KCNQ1: variants seen among roughly 807,000 people sequenced by gnomAD.
KCNQ1 encodes potassium voltage-gated channel subfamily KQT member 1.
A neutral mutation model predicts 72.4 loss-of-function variants in KCNQ1; 49 were observed. That is an observed-to-expected ratio of 0.68 (90% CI 0.54 to 0.86). KCNQ1 has a LOEUF of 0.86. Among genes scored for constraint, KCNQ1 ranks in the 40% least tolerant of loss-of-function variants. The pLI, the probability that KCNQ1 is intolerant of heterozygous loss-of-function variation, is 0.00. For missense variants in KCNQ1, 790 were observed against 945.1 expected (o/e 0.84, Z 2.15); for synonymous variants, 450 against 412.6 (o/e 1.09, Z -1.10).
At chr11:2,843,562 G>A (rs1220932059) in intron 15 of KCNQ1, among the ~76,000 whole-genome samples, 1 of 152,252 alleles carries the variant, frequency 6.6e-6, no homozygotes, top group African/African-American at 2.4e-5. Flanking sequence ...TGGGAGCAGC[G>A]GGTGTGCCCG....
At position 2,813,792 on chromosome 11, in the gene KCNQ1, C is replaced by T. The variant is rs920710037; in HGVS notation, c.1795-33975C>T. Among the ~76,000 whole-genome samples, 2 of 151,936 alleles carry T rather than the reference C, an allele frequency of 1.3e-5. No homozygotes were observed. Among genetic ancestry groups the T allele is most frequent in the Non-Finnish European group, 2.9e-5 (2 of 68,004 alleles). ...AAAGAATGAGGGCGGGCACATAGGCCTGGGGTGTGGGGAGCATTAATGAGT... is the reference window on the plus strand; with the variant it reads ...AAAGAATGAGGGCGGGCACATAGGCTTGGGGTGTGGGGAGCATTAATGAGT... On this transcript the variant is annotated intron_variant, in intron 15 of 15. Coordinates refer to ENST00000155840, the MANE Select transcript of KCNQ1 (RefSeq NM_000218.3). This position sits in a 1 kb window ranked among gnomAD's most constrained non-coding sequence, Gnocchi z 4.4.
At chr11:2,717,424 C>A (rs976871943) in intron 11 of KCNQ1, among the ~76,000 whole-genome samples, 2 of 152,238 alleles carry the variant, frequency 1.3e-5, no homozygotes, top group Non-Finnish European at 2.9e-5. Flanking sequence ...GACAGCAAAG[C>A]CACAGGGAGA....
chr11:2,528,077 C>T, intron 2 of KCNQ1, 59 bp downstream of exon 2: 5 of 1,425,668 alleles, frequency 3.5e-6, no homozygotes, highest in Non-Finnish European at 4.9e-6. Flanking sequence ...CTGGCATCTC[C>T]CTGGCGCTGG....
At chr11:2,743,173 C>T (rs184468659) in intron 11 of KCNQ1, among the ~76,000 whole-genome samples, 1 of 152,228 alleles carries the variant, frequency 6.6e-6, no homozygotes, top group Admixed American at 6.5e-5. Flanking sequence ...AAGGGGCATT[C>T]CCAGAAATCA....
At position 2,645,379 on chromosome 11, in the gene KCNQ1, G is replaced by C; in HGVS notation, c.1394-16582G>C. The C allele has an allele frequency of 2.5e-6, 1 of 398,780 alleles. No individual in the cohort carries two copies. 24.7% of individuals were successfully genotyped at this position (398,780 alleles called of 1,614,324 possible). A position where few individuals can be genotyped will look rare whatever the true frequency, so the allele number is the denominator to read the frequency against. On this transcript the variant is annotated intron_variant, in intron 10 of 15. Coordinates refer to ENST00000155840, the MANE Select transcript of KCNQ1 (RefSeq NM_000218.3). The surrounding 1 kb of genome is among the most constrained non-coding windows in gnomAD (Gnocchi z 5.8). Reference sequence around the variant, plus strand: ...ATGCGCTGGCACTGGGAGAAAAGAGGGTGGGACCAGGCCAGGTGGGCCTGT... The same window carrying C: ...ATGCGCTGGCACTGGGAGAAAAGAGCGTGGGACCAGGCCAGGTGGGCCTGT...
In KCNQ1 at chr11:2,700,389, C is replaced by G. The variant is rs578259989; in HGVS notation, c.1514+38308C>G. Among the ~76,000 whole-genome samples, 1,001 of 152,234 alleles carry G rather than the reference C, an allele frequency of 6.6e-3. 10 individuals carry two copies. The highest frequency in any genetic ancestry group is 0.019 in the African/African-American group (783 of 41,548). On this transcript the variant is annotated intron_variant, in intron 11 of 15. Transcript: ENST00000155840. ...GATGTGTTCACCACCCCGGGGTGACCGCGTGAGGACAGCGGCCGCACCCCG... is the reference window on the plus strand; with the variant it reads ...GATGTGTTCACCACCCCGGGGTGACGGCGTGAGGACAGCGGCCGCACCCCG...
In KCNQ1 at chr11:2,803,707, C is replaced by T. The variant is rs1421195464; in HGVS notation, c.1794+25670C>T. Among the ~76,000 whole-genome samples, 1 of 152,140 alleles carries T rather than the reference C, an allele frequency of 6.6e-6. No individual in the cohort carries two copies. The highest frequency in any genetic ancestry group is 6.5e-5 in the Admixed American group (1 of 15,278). Reference sequence around the variant, plus strand: ...CAGGGCTGTGGCCTGCCCAGACTTGCCAGGGAGCTCCTGTGCCCTTCTTTC... The same window carrying T: ...CAGGGCTGTGGCCTGCCCAGACTTGTCAGGGAGCTCCTGTGCCCTTCTTTC... On this transcript the variant is annotated intron_variant, in intron 15 of 15. Coordinates refer to ENST00000155840, the MANE Select transcript of KCNQ1 (RefSeq NM_000218.3). The surrounding 1 kb of genome is among the most constrained non-coding windows in gnomAD (Gnocchi z 6.4).
rs1013840263 is a variant in KCNQ1, at chr11:2,750,022, G to T, written c.1515-18822G>T. 2.0e-5 allele frequency among the ~76,000 whole-genome samples: 3 copies of T among 152,070 alleles called. No homozygotes were observed. The highest frequency in any genetic ancestry group is 7.2e-5 in the African/African-American group (3 of 41,382). ...GGCGCCCTGAGAATTGTGTGTAAAT[G>T]AGTGAAAATGGGGTGAGAGGGAGGG... On this transcript the variant is annotated intron_variant, in intron 11 of 15. Transcript: ENST00000155840. The surrounding 1 kb of genome is among the most constrained non-coding windows in gnomAD (Gnocchi z 6.3).
intron 12 of KCNQ1, among the ~76,000 whole-genome samples, chr11:2,770,414 G>A (rs539936374): frequency 3.9e-5 from 6 of 152,358 alleles, no homozygotes; most frequent in East Asian, 1.9e-4. Context: ...TAGGCTCGTC[G>A]TCACTCTGAG....
chr11:2,671,628 A>G lies in KCNQ1; in HGVS notation c.1514+9547A>G, dbSNP rs1340752050. ...CCCTAAGTATAAACCTTGCCACAGC[A>G]GTGTCCTGTGGTGCCCTGCTGGGGA... On this transcript the variant is annotated intron_variant, in intron 11 of 15. Transcript: ENST00000155840. The surrounding 1 kb of genome is among the most constrained non-coding windows in gnomAD (Gnocchi z 4.7). The G allele has an allele frequency of 2.5e-6, 1 of 398,588 alleles. No individual in the cohort carries two copies. The highest frequency in any genetic ancestry group is 3.6e-5 in the East Asian group (1 of 28,056). 24.7% of individuals were successfully genotyped at this position (398,588 alleles called of 1,614,324 possible).
rs1846857936 is a variant in KCNQ1, at chr11:2,492,869, A to C, written c.387-35059A>C. On this transcript the variant is annotated intron_variant, in intron 1 of 15. Coordinates refer to ENST00000155840, the MANE Select transcript of KCNQ1 (RefSeq NM_000218.3). The surrounding 1 kb of genome is among the most constrained non-coding windows in gnomAD (Gnocchi z 4.1). ...TTTATAATCCTTTGGGTATATACCC[A>C]GTAATGGGATTGCTGGGTCAAATGG... Among the ~76,000 whole-genome samples, 1 of 152,238 alleles carries C rather than the reference A, an allele frequency of 6.6e-6. No homozygotes were observed. Among genetic ancestry groups the C allele is most frequent in the Non-Finnish European group, 1.5e-5 (1 of 68,050 alleles).
intron 15 of KCNQ1, among the ~76,000 whole-genome samples, chr11:2,791,569 G>A (rs1221529086): frequency 6.6e-6 from 1 of 152,134 alleles, no homozygotes; most frequent in East Asian, 1.9e-4. Context: ...TGGCCGTGCC[G>A]GCTGGGCTGG....
rs1241138359 is a variant in KCNQ1 at position 2,549,884 on chromosome 11, T to C, written c.478-20744T>C. On this transcript the variant is annotated intron_variant, in intron 2 of 15. Transcript: ENST00000155840. This position sits in a 1 kb window ranked among gnomAD's most constrained non-coding sequence, Gnocchi z 6.2. ...TCCCTGGCTTTTCCTTCTGCACCAC[T>C]CAATCTGGGGGTTCCGGCTCCTTGC... is the stretch of plus-strand genomic sequence containing the variant. 6.6e-6 allele frequency among the ~76,000 whole-genome samples: 1 copy of C among 152,064 alleles called. No individual in the cohort carries two copies.
intron 8 of KCNQ1, among the ~76,000 whole-genome samples, chr11:2,586,121 G>GGTTGAATGACAAGAT (rs1329939554): frequency 6.6e-6 from 1 of 152,208 alleles, no homozygotes; most frequent in Non-Finnish European, 1.5e-5. Context: ...GTGCCCACTG[G>GGTTGAATGACAAGAT]GGATAGGGCC....
At chr11:2,807,296 G>A (rs549097528) in intron 15 of KCNQ1, among the ~76,000 whole-genome samples, 159 of 152,298 alleles carry the variant, frequency 1.0e-3, no homozygotes, top group African/African-American at 3.6e-3. Flanking sequence ...TAATTGGCCC[G>A]GGGTCTTCCC....
At chr11:2,499,321 A>G (rs1308228232) in intron 1 of KCNQ1, among the ~76,000 whole-genome samples, 1 of 152,230 alleles carries the variant, frequency 6.6e-6, no homozygotes, top group Non-Finnish European at 1.5e-5. Context: ...ACACACAAAT[A>G]AAAAGCAAGA....
chr11:2,782,647 T>C lies in KCNQ1; in HGVS notation c.1794+4610T>C, dbSNP rs962309692. ...TAATAATTATGGACTGTTCAGGTTTTCTATTTCTTCTTGTATCAGTTTTGA... is the reference window on the plus strand; with the variant it reads ...TAATAATTATGGACTGTTCAGGTTTCCTATTTCTTCTTGTATCAGTTTTGA... On this transcript the variant is annotated intron_variant, in intron 15 of 15. Transcript: ENST00000155840. The surrounding 1 kb of genome is among the most constrained non-coding windows in gnomAD (Gnocchi z 6.1). 3.3e-5 allele frequency among the ~76,000 whole-genome samples: 5 copies of C among 152,252 alleles called. No individual in the cohort carries two copies. Among genetic ancestry groups the C allele is most frequent in the African/African-American group, 1.2e-4 (5 of 41,476 alleles).
At chr11:2,716,357 G>A (rs1851092269) in intron 11 of KCNQ1, among the ~76,000 whole-genome samples, 2 of 152,160 alleles carry the variant, frequency 1.3e-5, no homozygotes, top group African/African-American at 2.4e-5. Flanking sequence ...TTTGGGGAGT[G>A]GAGCTGCGTG....
rs749794052 is a variant in KCNQ1 at position 2,620,212 on chromosome 11, T to TA, written c.1393+31358_1393+31359insA. ...AAGTTCATTCATGTATATATATATATTTTTTTTTTTTATTTTTTTTTTAGA... is the reference window on the plus strand; with the variant it reads ...AAGTTCATTCATGTATATATATATATATTTTTTTTTTTATTTTTTTTTTAGA... On this transcript the variant is annotated intron_variant, in intron 10 of 15. Coordinates refer to ENST00000155840, the MANE Select transcript of KCNQ1 (RefSeq NM_000218.3). The surrounding 1 kb of genome is among the most constrained non-coding windows in gnomAD (Gnocchi z 4.5). The TA allele has an allele frequency of 0.045, 8,938 of 198,334 alleles. 359 individuals are homozygous for TA. Among genetic ancestry groups the TA allele is most frequent in the African/African-American group, 0.15 (4,603 of 31,286 alleles). The allele number at this position is 198,334 out of a possible 1,614,324, so 12.3% of individuals were successfully genotyped here.
Sources: gnomAD v4.1 joint callset for allele counts (sites outside exome capture counted in the v4.1 genomes callset) on GRCh38, gnomAD v4.1.1 for gene constraint, Gnocchi (gnomAD v3.1) non-coding constraint, MANE v1.5 for transcripts, NCBI Gene and HGNC (gene_info 2026-07-23, HGNC 2026-07-21) for gene names.